ZNF618: variants seen among roughly 807,000 people sequenced by gnomAD.
The protein encoded by ZNF618 is neural precursor cell expressed, developmentally down-regulated 10.
Under a neutral mutation model 103.0 loss-of-function variants are expected in ZNF618, and 34 were observed. The observed-to-expected ratio is 0.33, with a 90% CI of 0.25 to 0.44. ZNF618 has a LOEUF of 0.44. Ranked by LOEUF, ZNF618 falls within the 20% of genes least tolerant of loss-of-function variation. The pLI is 1.00. For synonymous variants in ZNF618, 551 were observed against 542.2 expected (o/e 1.02, Z -0.23); for missense variants, 1,059 against 1,295.4 (o/e 0.82, Z 2.80).
intron 1 of ZNF618, among the ~76,000 whole-genome samples, chr9:113,935,857 T>C (rs1833983563): frequency 6.6e-6 from 1 of 152,182 alleles, no homozygotes; most frequent in Admixed American, 6.5e-5. Context: ...ATTTGGGGCC[T>C]AGGGCAGGAG....
chr9:113,916,064 G>T (rs74444730), intron 1 of ZNF618, among the ~76,000 whole-genome samples: 64 of 123,388 alleles, frequency 5.2e-4, no homozygotes, highest in Non-Finnish European at 8.6e-4. Context: ...TGAGACATGC[G>T]CGTGTGTCTG....
rs529959185 is a variant in ZNF618, at chr9:113,994,779, G to T, written c.338-3480G>T. On this transcript the variant is annotated intron_variant, in intron 3 of 14. Coordinates refer to ENST00000374126, the MANE Select transcript of ZNF618 (RefSeq NM_001318042.2). The stretch of plus-strand genomic sequence containing the variant: ...CTCTAGAGTGACAGGAACCTAAAAG[G>T]CCAAGGTTTTCAAACATTTGTTTTT... 2.2e-4 allele frequency among the ~76,000 whole-genome samples: 33 copies of T among 152,240 alleles called. No individual in the cohort carries two copies. In the South Asian group the frequency reaches 6.2e-3, roughly 29 times the overall value.
chr9:113,964,079 A>T (rs943531321), intron 1 of ZNF618, among the ~76,000 whole-genome samples: 18 of 152,130 alleles, frequency 1.2e-4, no homozygotes, highest in African/African-American at 4.3e-4. Context: ...GCACTGTGAA[A>T]ATGTGCTGCG....
intron 1 of ZNF618, among the ~76,000 whole-genome samples, chr9:113,881,646 T>C (rs573449380): frequency 6.6e-6 from 1 of 152,300 alleles, no homozygotes; most frequent in East Asian, 1.9e-4. Context: ...GCTACTATAT[T>C]GGACAGCTCA....
intron 11 of ZNF618, among the ~76,000 whole-genome samples, chr9:114,029,633 T>TA (rs1843825024): frequency 6.7e-6 from 1 of 149,916 alleles, no homozygotes; most frequent in Non-Finnish European, 1.5e-5. Flanking sequence ...AAAACTTAAT[T>TA]TAAAAAAAAA....
intron 1 of ZNF618, among the ~76,000 whole-genome samples, chr9:113,941,195 G>A (rs1197478805): frequency 6.6e-6 from 1 of 151,956 alleles, no homozygotes; most frequent in African/African-American, 2.4e-5. Context: ...TTTTCCCCAA[G>A]GAATCCTCCC....
intron 1 of ZNF618, among the ~76,000 whole-genome samples, chr9:113,899,153 A>G (rs1830293743): frequency 6.6e-6 from 1 of 151,880 alleles, no homozygotes; most frequent in African/African-American, 2.4e-5. Flanking sequence ...TTTTTTGTAA[A>G]GTACACATAT....
intron 1 of ZNF618, among the ~76,000 whole-genome samples, chr9:113,876,730 A>G (rs1338478111): frequency 6.6e-6 from 1 of 151,958 alleles, no homozygotes; most frequent in East Asian, 2.0e-4. Context: ...TGGACAATTC[A>G]CATTTTGCAA....
At chr9:113,957,202 T>C (rs180812241) in intron 1 of ZNF618, among the ~76,000 whole-genome samples, 1 of 152,350 alleles carries the variant, frequency 6.6e-6, no homozygotes, top group African/African-American at 2.4e-5. Flanking sequence ...CAATGTAATC[T>C]TAATGACATC....
At chr9:113,968,333 T>C (rs186032622) in intron 1 of ZNF618, among the ~76,000 whole-genome samples, 154 of 152,338 alleles carry the variant, frequency 1.0e-3, no homozygotes, top group African/African-American at 3.7e-3. Flanking sequence ...GAAACACATA[T>C]GCACCTGAAT....
At chr9:113,973,032 A>G (rs961549687) in intron 2 of ZNF618, among the ~76,000 whole-genome samples, 1 of 152,166 alleles carries the variant, frequency 6.6e-6, no homozygotes, top group Non-Finnish European at 1.5e-5. Flanking sequence ...AGCCAAGATC[A>G]TGCCACTGCA....
intron 1 of ZNF618, among the ~76,000 whole-genome samples, chr9:113,916,296 A>G: frequency 6.6e-6 from 1 of 152,182 alleles, no homozygotes; most frequent in Non-Finnish European, 1.5e-5. Context: ...CAGAAAACGA[A>G]ACAAGCTGAT....
chr9:113,946,403 A>C (rs1292750001), intron 1 of ZNF618, among the ~76,000 whole-genome samples: 1 of 151,930 alleles, frequency 6.6e-6, no homozygotes, highest in Admixed American at 6.6e-5. Context: ...GTCTTCAAAA[A>C]AAAAAAAAAA....
chr9:113,966,805 T>G (rs1453848422), intron 1 of ZNF618, among the ~76,000 whole-genome samples: 1 of 152,200 alleles, frequency 6.6e-6, no homozygotes, highest in African/African-American at 2.4e-5. Flanking sequence ...CTCCTCTAGT[T>G]GCCCCAGTTT....
At chr9:113,877,620 T>C (rs1828079674) in intron 1 of ZNF618, among the ~76,000 whole-genome samples, 1 of 152,072 alleles carries the variant, frequency 6.6e-6, no homozygotes, top group East Asian at 1.9e-4. Flanking sequence ...TGAAATCCTT[T>C]CTTTCTTTTT....
At position 113,986,767 on chromosome 9, in the gene ZNF618, CCT is replaced by C. The variant is rs1839524648; in HGVS notation, c.78-1550_78-1549del. 2.0e-5 allele frequency among the ~76,000 whole-genome samples: 3 copies of C among 152,272 alleles called. No individual in the cohort carries two copies. The South Asian group carries it at 6.2e-4, about 32-fold the overall frequency. On this transcript the variant is annotated intron_variant, in intron 2 of 14. Coordinates refer to ENST00000374126, the MANE Select transcript of ZNF618 (RefSeq NM_001318042.2). ...GCACCTCCCCATGGCCTTCCTCTGTCCTCTCCTCATTAGCTGGGGGCTCCCCT... is the reference window on the plus strand; with the variant it reads ...GCACCTCCCCATGGCCTTCCTCTGTCCTCCTCATTAGCTGGGGGCTCCCCT...
rs1254418541 is a variant in ZNF618 at position 114,051,895 on chromosome 9, T to G, written c.*1728T>G. 6.6e-6 allele frequency: 1 copy of G among 152,270 alleles called. No individual in the cohort carries two copies. 9.4% of individuals were successfully genotyped at this position (152,270 alleles called of 1,614,324 possible). A position where few individuals can be genotyped will look rare whatever the true frequency, so the allele number is the denominator to read the frequency against. On this transcript the variant is annotated 3_prime_UTR_variant, in exon 15 of 15. Transcript: ENST00000374126. Reference sequence around the variant, plus strand: ...CACCCCCACCACACCTCTCAGTGAATGAAGTGCTGGTGGTCTCACTCCCCT... The same window carrying G: ...CACCCCCACCACACCTCTCAGTGAAGGAAGTGCTGGTGGTCTCACTCCCCT...
At chr9:113,881,277 C>G (rs565812194) in intron 1 of ZNF618, among the ~76,000 whole-genome samples, 5 of 152,230 alleles carry the variant, frequency 3.3e-5, no homozygotes, top group African/African-American at 1.2e-4. Flanking sequence ...TGTGCACTTC[C>G]TTAAAAATCC....
At chr9:114,012,218 C>T (rs1257113878) in intron 9 of ZNF618, among the ~76,000 whole-genome samples, 1 of 152,148 alleles carries the variant, frequency 6.6e-6, no homozygotes, top group Admixed American at 6.5e-5. Flanking sequence ...ATATTACAGA[C>T]GGGGTGGTCT....
Sources: gnomAD v4.1 joint callset for allele counts (sites outside exome capture counted in the v4.1 genomes callset) on GRCh38, gnomAD v4.1.1 for gene constraint, MANE v1.5 for transcripts, NCBI Gene and HGNC (gene_info 2026-07-23, HGNC 2026-07-21) for gene names.